Variants in PPARGC1A observed in about 807,000 individuals in gnomAD.
PPARGC1A encodes the protein peroxisome proliferator-activated receptor gamma coactivator 1-alpha.
PPARGC1A carries 25 observed loss-of-function variants against 88.7 expected under a neutral mutation model. The observed-to-expected ratio is 0.28, with a 90% CI of 0.21 to 0.39. The LOEUF (loss-of-function observed/expected upper bound fraction) is 0.39. Ranked by LOEUF, PPARGC1A falls within the 10% of genes least tolerant of loss-of-function variation. PPARGC1A has a pLI of 1.00. For synonymous variants in PPARGC1A, 363 were observed against 355.6 expected (o/e 1.02, Z -0.24); for missense variants, 880 against 968.7 (o/e 0.91, Z 1.22).
chr4:24,206,508 A>T, the PPARGC1A span, among the ~76,000 whole-genome samples: 1 of 152,144 alleles, frequency 6.6e-6, no homozygotes, highest in African/African-American at 2.4e-5. Context: ...CTTAACTATA[A>T]AAAAAGCCAA....
At chr4:23,885,064 T>C in intron 1 of PPARGC1A, 133 bp from the exon 2 acceptor site, 1 of 740,822 alleles carries the variant, frequency 1.3e-6, no homozygotes, top group Non-Finnish European at 2.0e-6. Context: ...TCTGGCACTT[T>C]AATCACCAGG....
At chr4:24,138,318 A>AG in the PPARGC1A span, among the ~76,000 whole-genome samples, 1 of 152,196 alleles carries the variant, frequency 6.6e-6, no homozygotes, top group Non-Finnish European at 1.5e-5. Context: ...TAGTTAAGTC[A>AG]GGTCTCTCTC....
the PPARGC1A span, among the ~76,000 whole-genome samples, chr4:24,447,303 T>C: frequency 1.3e-5 from 2 of 152,176 alleles, no homozygotes; most frequent in African/African-American, 4.8e-5. Flanking sequence ...AACCAGGGGC[T>C]GAGCCAAACA....
At chr4:24,206,850 A>T in the PPARGC1A span, among the ~76,000 whole-genome samples, 112 of 106,848 alleles carry the variant, frequency 1.0e-3, 1 homozygote, top group African/African-American at 3.9e-3. Context: ...TAAAAAAAAA[A>T]AAAAAAAAAA....
the PPARGC1A span, among the ~76,000 whole-genome samples, chr4:24,036,407 C>T: frequency 0.19 from 28,683 of 152,064 alleles, 3,097 homozygotes; most frequent in Admixed American, 0.34. Flanking sequence ...TCCAAGAGAA[C>T]TGAATATGTA....
the PPARGC1A span, among the ~76,000 whole-genome samples, chr4:24,333,832 G>T: frequency 6.7e-6 from 1 of 149,964 alleles, no homozygotes; most frequent in African/African-American, 2.5e-5. Context: ...TACTCAGGAG[G>T]TTGAGGCAGG....
chr4:23,809,387 C>T (rs1177048073), intron 10 of PPARGC1A, among the ~76,000 whole-genome samples: 1 of 152,060 alleles, frequency 6.6e-6, no homozygotes, highest in Non-Finnish European at 1.5e-5. Flanking sequence ...ATTATAGGAC[C>T]CTTTAGGCTA....
At chr4:24,139,476 G>T in the PPARGC1A span, among the ~76,000 whole-genome samples, 1 of 152,186 alleles carries the variant, frequency 6.6e-6, no homozygotes, top group South Asian at 2.1e-4. Flanking sequence ...CACTGTAAAT[G>T]TAAAATACTC....
At chr4:24,354,112 T>C in the PPARGC1A span, among the ~76,000 whole-genome samples, 3 of 152,136 alleles carry the variant, frequency 2.0e-5, no homozygotes, top group Non-Finnish European at 4.4e-5. Flanking sequence ...TTGGCAGAAT[T>C]CAGTTCCTTG....
chr4:24,387,965 AG>A, the PPARGC1A span, among the ~76,000 whole-genome samples: 1 of 147,566 alleles, frequency 6.8e-6, no homozygotes, highest in Non-Finnish European at 1.5e-5. Context: ...AGAAAGGGAG[AG>A]GGAGAAAGGG....
chr4:24,364,696 T>C, the PPARGC1A span, among the ~76,000 whole-genome samples: 1 of 152,212 alleles, frequency 6.6e-6, no homozygotes, highest in Non-Finnish European at 1.5e-5. Context: ...TTCATTTATA[T>C]ATTTCTGTGT....
the PPARGC1A span, among the ~76,000 whole-genome samples, chr4:23,972,568 C>A: frequency 8.5e-5 from 13 of 152,176 alleles, no homozygotes; most frequent in African/African-American, 2.9e-4. Flanking sequence ...AAACTAGTAT[C>A]TCTTCAAGTG....
rs1379682024 is a variant in PPARGC1A, at chr4:23,831,580, G to T, written c.406C>A (p.Gln136Lys). 2 of 1,614,064 alleles carry T rather than the reference G, an allele frequency of 1.2e-6. No homozygotes were observed. The highest frequency in any genetic ancestry group is 1.7e-5 in the Admixed American group (1 of 60,024). The change falls in exon 3 of 13, where the codon CAG becomes AAG. Residue 136 changes from glutamine to lysine, a missense_variant. Physicochemically the swap from Gln to Lys is moderately conservative, Grantham distance 53 (BLOSUM62 1). Coordinates refer to ENST00000264867, the MANE Select transcript of PPARGC1A (RefSeq NM_013261.5). ...SSMPDGTPPP[Q>K]EAEEPSLLKK... ...ACTAGAGACGGCTCTTCTGCCTCCT[G>T]GGGTGGAGGGGTGCCGTCAGGCATG...
the PPARGC1A span, among the ~76,000 whole-genome samples, chr4:24,338,214 C>A: frequency 6.6e-6 from 1 of 152,098 alleles, no homozygotes; most frequent in Admixed American, 6.5e-5. Context: ...GTATAAAATC[C>A]TGCGAGCCAC....
the PPARGC1A span, among the ~76,000 whole-genome samples, chr4:24,343,332 G>A: frequency 1.3e-5 from 2 of 152,296 alleles, no homozygotes; most frequent in Middle Eastern, 3.4e-3. Context: ...AGGCGATTGG[G>A]CCATAAGGAA....
chr4:24,433,631 T>C, the PPARGC1A span, among the ~76,000 whole-genome samples: 3 of 152,338 alleles, frequency 2.0e-5, no homozygotes, highest in South Asian at 6.2e-4. Context: ...CCTCTCCTTG[T>C]TGATTCTCAG....
chr4:24,138,293 C>T, the PPARGC1A span, among the ~76,000 whole-genome samples: 1 of 152,182 alleles, frequency 6.6e-6, no homozygotes, highest in African/African-American at 2.4e-5. Flanking sequence ...ACAGCCTGTT[C>T]CAAGTCAGTT....
the PPARGC1A span, among the ~76,000 whole-genome samples, chr4:23,923,925 C>T: frequency 6.6e-6 from 1 of 152,160 alleles, no homozygotes; most frequent in East Asian, 1.9e-4. Flanking sequence ...CTCCAGAGTA[C>T]AAGGAGAAAT....
the PPARGC1A span, among the ~76,000 whole-genome samples, chr4:24,351,187 C>T: frequency 2.7e-5 from 4 of 150,654 alleles, no homozygotes; most frequent in East Asian, 2.0e-4. Flanking sequence ...GCTGAGATCA[C>T]GCCACTGCAC....
Sources: allele counts gnomAD v4.1 joint callset (sites outside exome capture counted in the v4.1 genomes callset), GRCh38; gene constraint gnomAD v4.1.1; transcripts MANE v1.5; gene names NCBI Gene and HGNC (gene_info 2026-07-23, HGNC 2026-07-21).